Variants in NLGN1 observed in about 807,000 individuals in gnomAD.
The protein encoded by NLGN1 is neuroligin 1, also known as neuroligin-1.
NLGN1 carries 12 observed loss-of-function variants against 65.5 expected under a neutral mutation model. That is an observed-to-expected ratio of 0.18 (90% CI 0.12 to 0.30). The LOEUF (loss-of-function observed/expected upper bound fraction) is 0.30, where lower values mean the gene tolerates loss of function less well. NLGN1 is among the 10% of genes least tolerant of loss of function. The pLI, the probability that NLGN1 is intolerant of heterozygous loss-of-function variation, is 1.00. For synonymous variants in NLGN1, 350 were observed against 359.5 expected (o/e 0.97, Z 0.30); for missense variants, 750 against 1,007.1 (o/e 0.74, Z 3.46).
At chr3:173,655,470 A>G (rs1382788292) in intron 3 of NLGN1, among the ~76,000 whole-genome samples, 1 of 152,014 alleles carries the variant, frequency 6.6e-6, no homozygotes, top group Non-Finnish European at 1.5e-5. Flanking sequence ...TCTATTCCCA[A>G]GATTTGTTTT....
At chr3:173,646,130 G>A (rs1758233323) in intron 3 of NLGN1, among the ~76,000 whole-genome samples, 1 of 152,054 alleles carries the variant, frequency 6.6e-6, no homozygotes, top group Non-Finnish European at 1.5e-5. Flanking sequence ...ACCACACTCA[G>A]ACACTTAGGT....
intron 3 of NLGN1, among the ~76,000 whole-genome samples, chr3:173,732,530 G>T (rs1200099029): frequency 1.3e-5 from 2 of 152,096 alleles, no homozygotes; most frequent in Non-Finnish European, 2.9e-5. Context: ...TGGGTTCGGG[G>T]TGGGTAGTTG....
At chr3:173,859,045 C>T (rs1728559740) in intron 4 of NLGN1, among the ~76,000 whole-genome samples, 1 of 151,744 alleles carries the variant, frequency 6.6e-6, no homozygotes, top group Admixed American at 6.6e-5. Flanking sequence ...CGTTTAATAC[C>T]CTACTTCAAT....
At chr3:173,454,644 C>T (rs181127739) in intron 2 of NLGN1, among the ~76,000 whole-genome samples, 16 of 152,310 alleles carry the variant, frequency 1.1e-4, no homozygotes, top group African/African-American at 3.8e-4. Flanking sequence ...GTAGCTTCCT[C>T]ACCTCTAACA....
chr3:173,478,251 A>G (rs957855645), intron 2 of NLGN1, among the ~76,000 whole-genome samples: 1 of 152,208 alleles, frequency 6.6e-6, no homozygotes, highest in Non-Finnish European at 1.5e-5. Context: ...TGTCTTTTGC[A>G]GAGACATGGT....
At chr3:173,956,574 G>A (rs1712096008) in intron 4 of NLGN1, among the ~76,000 whole-genome samples, 2 of 152,110 alleles carry the variant, frequency 1.3e-5, no homozygotes. Flanking sequence ...ATGTAGGCAG[G>A]ACTTCACTGG....
chr3:174,264,919 C>A (rs1046963850), intron 4 of NLGN1, among the ~76,000 whole-genome samples: 12 of 152,076 alleles, frequency 7.9e-5, no homozygotes, highest in African/African-American at 2.9e-4. Context: ...CCCTCAGCTG[C>A]AGGTCTGTTG....
chr3:173,743,244 T>A (rs1774907070), intron 3 of NLGN1, among the ~76,000 whole-genome samples: 1 of 152,186 alleles, frequency 6.6e-6, no homozygotes, highest in African/African-American at 2.4e-5. Flanking sequence ...TGTTTGATAA[T>A]GGCTTTAATA....
chr3:174,188,711 T>C (rs1160423293), intron 4 of NLGN1, among the ~76,000 whole-genome samples: 1 of 151,962 alleles, frequency 6.6e-6, no homozygotes, highest in Non-Finnish European at 1.5e-5. Context: ...TTCCAGGTAT[T>C]AGACCTTTAG....
chr3:174,220,827 TATTA>T (rs1193670942), intron 4 of NLGN1, among the ~76,000 whole-genome samples: 2 of 152,186 alleles, frequency 1.3e-5, no homozygotes, highest in African/African-American at 4.8e-5. Flanking sequence ...CAATTCTGTG[TATTA>T]ATTACTTGCC....
intron 3 of NLGN1, among the ~76,000 whole-genome samples, chr3:173,787,649 A>G (rs545622073): frequency 6.6e-6 from 1 of 152,322 alleles, no homozygotes; most frequent in South Asian, 2.1e-4. Flanking sequence ...TCCCATATTG[A>G]TTCTTGTAAT....
At chr3:173,686,351 CT>C (rs1386350922) in intron 3 of NLGN1, among the ~76,000 whole-genome samples, 1 of 151,160 alleles carries the variant, frequency 6.6e-6, no homozygotes, top group Non-Finnish European at 1.5e-5. Context: ...TACTTCCTCT[CT>C]TTTTTTCATT....
chr3:173,927,576 T>G (rs1743242413), intron 4 of NLGN1, among the ~76,000 whole-genome samples: 1 of 152,106 alleles, frequency 6.6e-6, no homozygotes, highest in African/African-American at 2.4e-5. Context: ...TCTGGCTGTT[T>G]CCAAAGTGTA....
chr3:173,698,887 C>T (rs536540168), intron 3 of NLGN1, among the ~76,000 whole-genome samples: 1 of 152,004 alleles, frequency 6.6e-6, no homozygotes, highest in East Asian at 1.9e-4. Context: ...ATGGAGTTTC[C>T]CTCTTGTTGC....
At chr3:173,750,046 T>C (rs1019281559) in intron 3 of NLGN1, among the ~76,000 whole-genome samples, 6 of 152,114 alleles carry the variant, frequency 3.9e-5, no homozygotes, top group Admixed American at 3.9e-4. Flanking sequence ...CAGAAATTTG[T>C]CCAGCTGGAA....
At chr3:173,429,580 A>G (rs1395922911) in intron 1 of NLGN1, among the ~76,000 whole-genome samples, 1 of 152,000 alleles carries the variant, frequency 6.6e-6, no homozygotes, top group African/African-American at 2.4e-5. Context: ...TTTGCTTTCA[A>G]GGTTTAGTTA....
At chr3:174,144,913 C>G (rs1017860002) in intron 4 of NLGN1, among the ~76,000 whole-genome samples, 1 of 152,086 alleles carries the variant, frequency 6.6e-6, no homozygotes, top group Non-Finnish European at 1.5e-5. Flanking sequence ...TTAATTAGAT[C>G]CCATTTGTCA....
At chr3:174,234,092 A>G (rs1741214200) in intron 4 of NLGN1, among the ~76,000 whole-genome samples, 1 of 152,154 alleles carries the variant, frequency 6.6e-6, no homozygotes, top group South Asian at 2.1e-4. Flanking sequence ...CAGCAACCTC[A>G]ATTCTTGCTT....
intron 4 of NLGN1, among the ~76,000 whole-genome samples, chr3:174,113,239 C>G (rs1414145384): frequency 7.5e-4 from 114 of 151,916 alleles, no homozygotes; most frequent in Non-Finnish European, 4.4e-5. Context: ...CCAAAAAATA[C>G]ATTTTCACAT....
Sources: allele counts gnomAD v4.1 joint callset (sites outside exome capture counted in the v4.1 genomes callset), GRCh38; gene constraint gnomAD v4.1.1; transcripts MANE v1.5; gene names NCBI Gene and HGNC (gene_info 2026-07-23, HGNC 2026-07-21).